The following SLA variants were observed in gnomAD, a reference collection of about 807,000 sequenced individuals.
SLA encodes the protein Src like adaptor.
In SLA, 16 loss-of-function variants were observed where a neutral mutation model predicts 30.3. The ratio of observed to expected loss-of-function variants is 0.53; its 90% CI spans 0.36 to 0.80. The LOEUF (loss-of-function observed/expected upper bound fraction) is 0.80, where lower values mean the gene tolerates loss of function less well. Ranked by LOEUF, SLA falls within the 30% of genes least tolerant of loss-of-function variation. The probability of loss-of-function intolerance (pLI) is 0.01; values close to 1 mark genes in which losing one functional copy is unlikely to be tolerated. For missense variants in SLA, 310 were observed against 345.2 expected (o/e 0.90, Z 0.81); for synonymous variants, 143 against 137.8 (o/e 1.04, Z -0.26).
chr8:133,049,405 A>G lies in SLA; in HGVS notation c.248+497T>C, dbSNP rs57477851. On this transcript the variant is annotated intron_variant, in intron 5 of 8. Transcript: ENST00000338087. ...CTCCAAGAACTACACATGTATCATT[A>G]CATCTTATTCTCCTAACAACCCTAC... 1,589 of 296,888 alleles carry G rather than the reference A, an allele frequency of 5.4e-3. 22 individuals are homozygous for G. Among genetic ancestry groups the G allele is most frequent in the African/African-American group, 0.031 (1,453 of 46,214 alleles). 18.4% of individuals were successfully genotyped at this position (296,888 alleles called of 1,614,324 possible).
chr8:133,043,527 C>T (rs1051344381), intron 7 of SLA, among the ~76,000 whole-genome samples: 10 of 152,184 alleles, frequency 6.6e-5, no homozygotes, highest in Admixed American at 3.9e-4. Flanking sequence ...CTATGCTGAA[C>T]GCACTACATG....
chr8:133,079,108 A>T (rs1845352699), intron 1 of SLA, among the ~76,000 whole-genome samples: 1 of 152,124 alleles, frequency 6.6e-6, no homozygotes. Context: ...CAAAGACAAA[A>T]ACACATAGCA....
intron 1 of SLA, among the ~76,000 whole-genome samples, chr8:133,078,823 G>A (rs1845299383): frequency 6.6e-6 from 1 of 152,214 alleles, no homozygotes. Context: ...AGGACAGACG[G>A]GGAGAGAATT....
intron 7 of SLA, among the ~76,000 whole-genome samples, chr8:133,044,277 T>C (rs970514762): frequency 2.6e-5 from 4 of 152,168 alleles, no homozygotes; most frequent in Admixed American, 1.3e-4. Flanking sequence ...CTCAACTTTC[T>C]CTCTCTGGCA....
intron 3 of SLA, chr8:133,059,089 G>C (rs576407644): frequency 6.8e-5 from 31 of 456,186 alleles, no homozygotes; most frequent in African/African-American, 5.2e-4. Flanking sequence ...ACCTGGCTCA[G>C]TCCACTTCCC....
intron 1 of SLA, among the ~76,000 whole-genome samples, chr8:133,078,579 CAGTT>C (rs1360963060): frequency 2.0e-5 from 3 of 152,326 alleles, no homozygotes; most frequent in African/African-American, 7.2e-5. Context: ...TACATTCATT[CAGTT>C]ATTCATTCAA....
intron 2 of SLA, among the ~76,000 whole-genome samples, chr8:133,069,494 TCCTCCTTAGCTCCTGTTC>T (rs1843624460): frequency 6.6e-6 from 1 of 151,030 alleles, no homozygotes; most frequent in African/African-American, 2.5e-5. Flanking sequence ...ATTAATGTGC[TCCTCCTTAGCTCCTGTTC>T]CCTCCTTAGC....
At chr8:133,070,453 G>A (rs925149947) in intron 2 of SLA, among the ~76,000 whole-genome samples, 24 of 152,282 alleles carry the variant, frequency 1.6e-4, no homozygotes, top group African/African-American at 4.6e-4. Context: ...TAAAATACAC[G>A]GACTCATTTG....
chr8:133,087,644 T>A (rs1225139533), intron 1 of SLA: 1 of 152,234 alleles, frequency 6.6e-6, no homozygotes, highest in Admixed American at 6.5e-5. Flanking sequence ...AATGTAACAT[T>A]AATTCATTGG....
intron 6 of SLA, among the ~76,000 whole-genome samples, chr8:133,045,689 C>G (rs965685925): frequency 6.6e-6 from 1 of 152,190 alleles, no homozygotes; most frequent in African/African-American, 2.4e-5. Flanking sequence ...GCTACCATGC[C>G]GGGCCTCATC....
Position 133,063,373 on chromosome 8 carries a change from C to T in SLA, c.-40-3173G>A. Among the ~76,000 whole-genome samples the T allele has an allele frequency of 2.0e-5, 3 of 151,892 alleles. 1 individual carries two copies. On this transcript the variant is annotated intron_variant, in intron 2 of 8. Transcript: ENST00000338087. ...TCTCCCCTCCTTTATGTCAACCATT[C>T]CAGAAAACAAGTCAGAACAAGATTT...
intron 3 of SLA, among the ~76,000 whole-genome samples, chr8:133,056,894 C>A (rs1264697422): frequency 6.6e-6 from 1 of 152,158 alleles, no homozygotes; most frequent in Admixed American, 6.5e-5. Context: ...CCCAGGAACT[C>A]CTAGGAAATT....
At chr8:133,073,093 C>T (rs1203097189) in intron 2 of SLA, 1 of 152,190 alleles carries the variant, frequency 6.6e-6, no homozygotes, top group Non-Finnish European at 1.5e-5. Flanking sequence ...TACAGAGAAA[C>T]TGGTCTTCTT....
chr8:133,081,904 C>G (rs1228491142), intron 1 of SLA, among the ~76,000 whole-genome samples: 1 of 152,182 alleles, frequency 6.6e-6, no homozygotes, highest in Non-Finnish European at 1.5e-5. Flanking sequence ...AGGCCCCACT[C>G]AAGAGAACAC....
At chr8:133,076,995 C>T (rs575179906) in intron 1 of SLA, among the ~76,000 whole-genome samples, 20 of 152,204 alleles carry the variant, frequency 1.3e-4, no homozygotes, top group African/African-American at 4.6e-4. Context: ...TCAATTATGG[C>T]GACCCATCAA....
intron 1 of SLA, among the ~76,000 whole-genome samples, chr8:133,095,742 T>A (rs1334272648): frequency 6.6e-6 from 1 of 152,244 alleles, no homozygotes; most frequent in Non-Finnish European, 1.5e-5. Context: ...TTAGCAGGAA[T>A]AATTGTCATG....
rs146491847 is a variant in SLA, at chr8:133,095,139, A to G, written c.-319+7414T>C. ...CAAAGGAGGTCAGTTGCCCCATGTC[A>G]TCCAGCCAAGAAGTGGTGTCCTGCC... On this transcript the variant is annotated intron_variant, in intron 1 of 8. Transcript: ENST00000338087. 9 of 1,614,230 alleles carry G rather than the reference A, an allele frequency of 5.6e-6. No individual in the cohort carries two copies. The highest frequency in any genetic ancestry group is 5.9e-6 in the Non-Finnish European group (7 of 1,180,030).
rs768321234 is a variant in SLA at position 133,096,218 on chromosome 8, A to T, written c.-319+6335T>A. The T allele has an allele frequency of 2.2e-5, 36 of 1,614,118 alleles. No individual in the cohort carries two copies. The highest frequency in any genetic ancestry group is 5.0e-5 in the Admixed American group (3 of 60,014). On this transcript the variant is annotated intron_variant, in intron 1 of 8. Transcript: ENST00000338087. Reference sequence around the variant, plus strand: ...GCATCCAATGCAGCTCCTGGCCGTGAGTGGCCCTTTCCACTACTGGGGTCC... The same window carrying T: ...GCATCCAATGCAGCTCCTGGCCGTGTGTGGCCCTTTCCACTACTGGGGTCC...
intron 1 of SLA, among the ~76,000 whole-genome samples, chr8:133,077,224 G>T (rs1845027142): frequency 6.6e-6 from 1 of 152,158 alleles, no homozygotes; most frequent in Non-Finnish European, 1.5e-5. Context: ...AAGACAATCA[G>T]CCCTAAAGAT....
Sources: gnomAD v4.1 joint callset for allele counts (sites outside exome capture counted in the v4.1 genomes callset) on GRCh38, gnomAD v4.1.1 for gene constraint, MANE v1.5 for transcripts, NCBI Gene and HGNC (gene_info 2026-07-23, HGNC 2026-07-21) for gene names.